Variants in TUBGCP5 observed in about 807,000 individuals in gnomAD.
TUBGCP5 encodes the protein gamma-tubulin complex component 5.
A neutral mutation model predicts 134.7 loss-of-function variants in TUBGCP5; 98 were observed. The ratio of observed to expected loss-of-function variants is 0.73; its 90% CI spans 0.62 to 0.86. The LOEUF (loss-of-function observed/expected upper bound fraction) is 0.86, where lower values mean the gene tolerates loss of function less well. TUBGCP5 is among the 40% of genes least tolerant of loss of function. The probability of loss-of-function intolerance (pLI) is 0.00; values close to 1 mark genes in which losing one functional copy is unlikely to be tolerated. For missense variants in TUBGCP5, 1,150 were observed against 1,244.8 expected, an observed-to-expected ratio of 0.92 and a Z score of 1.15; for synonymous variants, 456 against 431.4, an observed-to-expected ratio of 1.06 and a Z score of -0.71.
chr15:23,008,538 G>A (rs1341070193), intron 16 of TUBGCP5, 161 bp downstream of exon 16: 3 of 905,274 alleles, frequency 3.3e-6, no homozygotes, highest in Non-Finnish European at 5.2e-6. Context: ...CATTACAGGT[G>A]TGAGCCACCG....
At chr15:23,025,158 T>C (rs2065917449) in intron 8 of TUBGCP5, among the ~76,000 whole-genome samples, 2 of 152,108 alleles carry the variant, frequency 1.3e-5, no homozygotes, top group Non-Finnish European at 2.9e-5. Context: ...TGCCTTGGCC[T>C]CCCACAGCAC....
chr15:22,998,667 T>TC (rs1449134925), downstream of TUBGCP5, among the ~76,000 whole-genome samples: 10 of 151,036 alleles, frequency 6.6e-5, no homozygotes, highest in Non-Finnish European at 1.0e-4. Flanking sequence ...CAGGATGGAG[T>TC]GCAGTGGTAC....
chr15:22,999,150 T>C (rs1052176919), downstream of TUBGCP5: 2 of 152,216 alleles, frequency 1.3e-5, no homozygotes, highest in African/African-American at 2.4e-5. Context: ...TCTGTGACTG[T>C]AGGACAGCAG....
chr15:22,986,133 CAAAA>C (rs35699215), intron 23 of TUBGCP5, among the ~76,000 whole-genome samples: 6 of 114,102 alleles, frequency 5.3e-5, no homozygotes, highest in Non-Finnish European at 7.4e-5. Context: ...GACTCTGTCT[CAAAA>C]AAAAAAAAAA....
At chr15:22,998,612 C>T (rs2064203620), downstream of TUBGCP5, among the ~76,000 whole-genome samples, 1 of 151,898 alleles carries the variant, frequency 6.6e-6, no homozygotes. Context: ...GCATGTGCCA[C>T]CATGCTTGGC....
intron 5 of TUBGCP5, among the ~76,000 whole-genome samples, chr15:23,031,408 C>T (rs1260431901): frequency 6.6e-6 from 1 of 152,046 alleles, no homozygotes; most frequent in Non-Finnish European, 1.5e-5. Flanking sequence ...CCTCCACCTC[C>T]TGTGTTCAAG....
At chr15:23,011,079 C>T in intron 14 of TUBGCP5, 54 bp downstream of exon 14, 2 of 1,569,386 alleles carry the variant, frequency 1.3e-6, no homozygotes, top group Middle Eastern at 1.7e-4. Context: ...AGTTAGCAAA[C>T]ATTGCACAAA....
chr15:23,010,465 T>C (rs17137285), intron 14 of TUBGCP5, among the ~76,000 whole-genome samples: 15,957 of 152,134 alleles, frequency 0.1, 1,039 homozygotes, highest in African/African-American at 0.19. Flanking sequence ...GGACATATTA[T>C]ATGCCAGTGG....
chr15:23,004,462 A>G, intron 19 of TUBGCP5: 1 of 470,750 alleles, frequency 2.1e-6, no homozygotes, highest in Non-Finnish European at 3.7e-6. Context: ...CAGTGAATGA[A>G]TGAACGCCAA....
At position 23,015,345 on chromosome 15, in the gene TUBGCP5, G is replaced by A. The variant is rs971979047; in HGVS notation, c.1756+2428C>T. Among the ~76,000 whole-genome samples, 14 of 150,902 alleles carry A rather than the reference G, an allele frequency of 9.3e-5. 1 individual carries two copies. Among genetic ancestry groups the A allele is most frequent in the Middle Eastern group, 6.9e-3 (2 of 290 alleles). On this transcript the variant is annotated intron_variant, in intron 13 of 22. Coordinates refer to ENST00000615383, the MANE Select transcript of TUBGCP5 (RefSeq NM_052903.6). ...AAGTAATCCACCTGCCTTGGCCTCC[G>A]AAAGTGCTGGGATTGGCTGGGCGTG...
rs879605347 is a variant in TUBGCP5 at position 23,008,633 on chromosome 15, T to C, written c.2327+66A>G. On this transcript the variant is annotated intron_variant, in intron 16 of 22. Transcript: ENST00000615383. ...AGGATAAAATAATATGTGTAATTCA[T>C]AGAAGACTTACTGGCACATAGTTCA... 4.0e-6 allele frequency: 6 copies of C among 1,500,150 alleles called. No homozygotes were observed. The South Asian group carries it at 5.8e-5, about 15-fold the overall frequency. 92.9% of individuals were successfully genotyped at this position (1,500,150 alleles called of 1,614,324 possible).
Position 23,032,769 on chromosome 15 carries a change from G to T in TUBGCP5, c.365C>A (p.Ser122Ter). 1 of 1,598,266 alleles carries T rather than the reference G, an allele frequency of 6.3e-7. No individual in the cohort carries two copies. The highest frequency in any genetic ancestry group is 8.5e-7 in the Non-Finnish European group (1 of 1,174,236). The change falls in exon 4 of 23, where the codon TCA (serine) becomes TAA (stop). Residue 122 changes from serine (S) to a stop codon, truncating the protein, a stop_gained. Transcript: ENST00000615383. LOFTEE classifies it high-confidence loss of function. Reference protein sequence around the residue: ...SLLLCLSDSPSNSSYVETPRN... With the variant: ...SLLLCLSDSP The stretch of plus-strand genomic sequence containing the variant: ...TGGTGTCTCCACATAACTGCTGTTT[G>T]AAGGAGAGTCTGACAGACACAGAAG...
At chr15:23,032,540 G>A (rs1390947152) in intron 4 of TUBGCP5, among the ~76,000 whole-genome samples, 188 bp downstream of exon 4, 1 of 152,050 alleles carries the variant, frequency 6.6e-6, no homozygotes, top group Non-Finnish European at 1.5e-5. Flanking sequence ...TGTGGGTCTG[G>A]AACCTGAGAA....
Position 23,023,976 on chromosome 15 carries a change from G to A in TUBGCP5, c.1139C>T (p.Ala380Val), listed in dbSNP as rs745396804. ...ATTGATGATGCACTTCTCAATTTCT[G>A]CAAGTTCCTCTTTGAAACTAATGAA... Reference protein sequence around the residue: ...KYFISFKEELAEIEKCIINND... With the variant: ...KYFISFKEELVEIEKCIINND... Residue 380 changes from alanine to valine, a missense_variant, in exon 10 of 23, where the codon GCA becomes GTA. By Grantham distance (64) the Ala-to-Val change is moderately conservative. This residue lies in a region of TUBGCP5 where 697 missense variants were observed against 850.1 expected (regional missense o/e 0.82). Coordinates refer to ENST00000615383, the MANE Select transcript of TUBGCP5 (RefSeq NM_052903.6). The A allele has an allele frequency of 6.2e-7, 1 of 1,613,940 alleles. No homozygotes were observed.
chr15:23,008,130 T>TAAGCTC (rs2064831083), intron 16 of TUBGCP5, among the ~76,000 whole-genome samples: 1 of 152,074 alleles, frequency 6.6e-6, no homozygotes, highest in Non-Finnish European at 1.5e-5. Context: ...TGCAAACTCC[T>TAAGCTC]AAGCTCAAGC....
At chr15:23,021,199 G>A (rs1213079513) in intron 11 of TUBGCP5, among the ~76,000 whole-genome samples, 4 of 152,070 alleles carry the variant, frequency 2.6e-5, no homozygotes, top group Non-Finnish European at 5.9e-5. Context: ...TCAAATTCCT[G>A]GGCTCAAGTG....
intron 6 of TUBGCP5, among the ~76,000 whole-genome samples, chr15:23,030,325 T>C (rs2066233667): frequency 6.6e-6 from 1 of 152,176 alleles, no homozygotes; most frequent in Non-Finnish European, 1.5e-5. Context: ...TGTCTGTTTC[T>C]GGGTCACACT....
chr15:23,039,380 G>T lies in TUBGCP5; in HGVS notation c.146+18C>A. The T allele has an allele frequency of 7.1e-7, 1 of 1,416,752 alleles. No homozygotes were observed. The highest frequency in any genetic ancestry group is 2.0e-4 in the Middle Eastern group (1 of 5,120). The allele number at this position is 1,416,752 out of a possible 1,614,324, so 87.8% of individuals were successfully genotyped here. A position where few individuals can be genotyped will look rare whatever the true frequency, so the allele number is the denominator to read the frequency against. ...CCGGGCTGTGGCCGGGAACCCGCCCGCGCGCCGTGCCCCACACCTGAAGTT... is the reference window on the plus strand; with the variant it reads ...CCGGGCTGTGGCCGGGAACCCGCCCTCGCGCCGTGCCCCACACCTGAAGTT... On this transcript the variant is annotated intron_variant, in intron 1 of 22. Transcript: ENST00000615383.
At chr15:23,016,694 G>A (rs1397058686) in intron 13 of TUBGCP5, among the ~76,000 whole-genome samples, 1 of 151,868 alleles carries the variant, frequency 6.6e-6, no homozygotes, top group East Asian at 1.9e-4. Flanking sequence ...ATGCTGGTGA[G>A]GATGTGGAGA....
Sources: allele counts gnomAD v4.1 joint callset (sites outside exome capture counted in the v4.1 genomes callset), GRCh38; gene constraint gnomAD v4.1.1; regional missense constraint gnomAD v4.1.1; transcripts MANE v1.5; gene names NCBI Gene and HGNC (gene_info 2026-07-23, HGNC 2026-07-21).